The following LRP1B variants were observed in gnomAD, a reference collection of about 807,000 sequenced individuals.
LRP1B encodes the protein low-density lipoprotein receptor-related protein 1B.
Under a neutral mutation model 556.6 loss-of-function variants are expected in LRP1B, and 217 were observed. The ratio of observed to expected loss-of-function variants is 0.39; its 90% CI spans 0.35 to 0.44. LRP1B has a LOEUF of 0.44. Among genes scored for constraint, LRP1B ranks in the 20% least tolerant of loss-of-function variants. LRP1B has a pLI of 1.00. For synonymous variants in LRP1B, 2,047 were observed against 1,865.8 expected (o/e 1.10, Z -2.50); for missense variants, 5,053 against 5,620.8 (o/e 0.90, Z 3.23).
intron 35 of LRP1B, among the ~76,000 whole-genome samples, chr2:140,765,877 A>T (rs1689085733): frequency 6.6e-6 from 1 of 152,094 alleles, no homozygotes; most frequent in Admixed American, 6.6e-5. Context: ...CCTTAGCATG[A>T]CTGGGGCTGT....
chr2:140,648,630 A>G (rs1341365272), intron 41 of LRP1B, among the ~76,000 whole-genome samples: 1 of 152,016 alleles, frequency 6.6e-6, no homozygotes, highest in Non-Finnish European at 1.5e-5. Context: ...GTTCAGGGGT[A>G]ATCTCTGGAA....
chr2:141,202,753 T>A (rs75713425), intron 6 of LRP1B, among the ~76,000 whole-genome samples: 11,646 of 151,356 alleles, frequency 0.077, 483 homozygotes, highest in East Asian at 0.14. Flanking sequence ...CCAATTTTTT[T>A]ATTACATTTT....
At chr2:140,919,993 T>C (rs1359860990) in intron 21 of LRP1B, among the ~76,000 whole-genome samples, 2 of 152,090 alleles carry the variant, frequency 1.3e-5, no homozygotes, top group African/African-American at 4.8e-5. Context: ...TATAACCTTA[T>C]ACAATCCTAC....
chr2:142,005,053 T>A lies in LRP1B; in HGVS notation c.82+125595A>T, dbSNP rs946534798. On this transcript the variant is annotated intron_variant, in intron 1 of 90. Transcript: ENST00000389484. ...ATTATAGATATTATATATTTAGTACTATAATTATATATACTCTATATATTT... is the reference window on the plus strand; with the variant it reads ...ATTATAGATATTATATATTTAGTACAATAATTATATATACTCTATATATTT... Among the ~76,000 whole-genome samples, 4 of 148,360 alleles carry A rather than the reference T, an allele frequency of 2.7e-5. No individual in the cohort carries two copies. In the South Asian group the frequency reaches 8.4e-4, roughly 31 times the overall value.
Position 140,763,292 on chromosome 2 carries a change from A to T in LRP1B, c.5758+5921T>A, listed in dbSNP as rs79382819. ...CTCAGCAGCTCCATTTTGATAAAGA[A>T]GAGTGGGGAGAAAGAGTGGTACATT... On this transcript the variant is annotated intron_variant, in intron 35 of 90. Transcript: ENST00000389484. 3.9e-5 allele frequency among the ~76,000 whole-genome samples: 6 copies of T among 152,174 alleles called. No homozygotes were observed. The East Asian group carries it at 1.2e-3, about 29-fold the overall frequency.
In LRP1B at chr2:141,480,445, A is replaced by G; in HGVS notation, c.294T>C (p.Asn98=). ...NKCVHLSQLC[N]GVLDCPDGYD... is the part of the protein sequence containing the mutation. ...ACCCATCTGGGCAGTCCAAGACACC[A>G]TTGCACAGCTGGGATAAATGAACAC... The change falls in exon 3 of 91, where the codon AAT becomes AAC. Residue 98 remains asparagine (N), a synonymous_variant. Transcript: ENST00000389484. 1 of 1,614,008 alleles carries G rather than the reference A, an allele frequency of 6.2e-7. No homozygotes were observed. The highest frequency in any genetic ancestry group is 8.5e-7 in the Non-Finnish European group (1 of 1,179,934).
intron 1 of LRP1B, among the ~76,000 whole-genome samples, chr2:141,996,738 C>T (rs567864636): frequency 1.4e-5 from 2 of 142,300 alleles, no homozygotes; most frequent in East Asian, 4.3e-4. Flanking sequence ...ACTAGTGACA[C>T]AAAGTAAGAA....
At chr2:141,472,226 A>G (rs1682501376) in intron 3 of LRP1B, among the ~76,000 whole-genome samples, 1 of 152,176 alleles carries the variant, frequency 6.6e-6, no homozygotes, top group Non-Finnish European at 1.5e-5. Context: ...GGGTGGGAGC[A>G]ATGGATACAT....
intron 1 of LRP1B, among the ~76,000 whole-genome samples, chr2:142,106,020 G>A (rs2104978386): frequency 6.6e-6 from 1 of 152,170 alleles, no homozygotes; most frequent in South Asian, 2.1e-4. Flanking sequence ...TGGATTACTG[G>A]TACACATACT....
chr2:142,089,754 G>A (rs569941973), intron 1 of LRP1B, among the ~76,000 whole-genome samples: 1 of 152,142 alleles, frequency 6.6e-6, no homozygotes, highest in African/African-American at 2.4e-5. Flanking sequence ...ATGTTAATCT[G>A]ATTAAGAAAC....
At chr2:141,073,413 G>A (rs921489384) in intron 7 of LRP1B, among the ~76,000 whole-genome samples, 1 of 151,708 alleles carries the variant, frequency 6.6e-6, no homozygotes, top group Admixed American at 6.6e-5. Flanking sequence ...TTTTTCCTCA[G>A]TTACTTTCTC....
At chr2:141,774,941 A>G (rs1695014445) in intron 2 of LRP1B, among the ~76,000 whole-genome samples, 1 of 152,220 alleles carries the variant, frequency 6.6e-6, no homozygotes, top group South Asian at 2.1e-4. Flanking sequence ...TAAGATACAT[A>G]TTCTTTTCCA....
intron 1 of LRP1B, among the ~76,000 whole-genome samples, chr2:141,846,654 T>A (rs1419626216): frequency 2.0e-5 from 3 of 151,434 alleles, no homozygotes; most frequent in Non-Finnish European, 4.4e-5. Context: ...CAATATAGTG[T>A]GAGTAAATAC....
rs547180873 is a variant in LRP1B, at chr2:141,014,415, T to C, written c.2191-670A>G. Among the ~76,000 whole-genome samples the C allele has an allele frequency of 1.3e-4, 20 of 152,200 alleles. 3 individuals carry two copies. In the Middle Eastern group the frequency reaches 0.034, roughly 259 times the overall value. Reference sequence around the variant, plus strand: ...TGTTGTTCCTTAAATGGAGGAATCATGTGATAAAAGTTTAAGTCCAGTTTC... The same window carrying C: ...TGTTGTTCCTTAAATGGAGGAATCACGTGATAAAAGTTTAAGTCCAGTTTC... On this transcript the variant is annotated intron_variant, in intron 13 of 90. Transcript: ENST00000389484.
chr2:140,989,175 TAAAA>T (rs796627204), intron 17 of LRP1B, among the ~76,000 whole-genome samples: 1 of 149,608 alleles, frequency 6.7e-6, no homozygotes, highest in South Asian at 2.1e-4. Flanking sequence ...TTCTCAAGGT[TAAAA>T]AAAAAATCCT....
At chr2:141,326,004 T>G (rs2105480857) in intron 3 of LRP1B, among the ~76,000 whole-genome samples, 1 of 152,272 alleles carries the variant, frequency 6.6e-6, no homozygotes, top group Middle Eastern at 3.4e-3. Context: ...TATTGCAAGG[T>G]TTAAGAAATG....
chr2:140,549,534 A>C (rs760860159), intron 43 of LRP1B, among the ~76,000 whole-genome samples: 2 of 152,190 alleles, frequency 1.3e-5, no homozygotes, highest in Non-Finnish European at 1.5e-5. Context: ...ACTGTCATGG[A>C]GACGAGAAAA....
intron 7 of LRP1B, among the ~76,000 whole-genome samples, chr2:141,066,450 CAG>C (rs1191921480): frequency 2.0e-5 from 3 of 151,978 alleles, no homozygotes; most frequent in African/African-American, 7.2e-5. Flanking sequence ...ACTGTGCTTA[CAG>C]AGTTATGGCA....
chr2:140,582,033 C>T (rs1217889155), intron 43 of LRP1B, among the ~76,000 whole-genome samples: 5 of 152,074 alleles, frequency 3.3e-5, no homozygotes, highest in African/African-American at 7.2e-5. Flanking sequence ...GATTCTCATG[C>T]GAATTATCTC....
Sources: gnomAD v4.1 joint callset for allele counts (sites outside exome capture counted in the v4.1 genomes callset) on GRCh38, gnomAD v4.1.1 for gene constraint, MANE v1.5 for transcripts, NCBI Gene and HGNC (gene_info 2026-07-23, HGNC 2026-07-21) for gene names.